The following LARP1B variants were observed in gnomAD, a reference collection of about 807,000 sequenced individuals.
The protein encoded by LARP1B is la-related protein 1B.
Under a neutral mutation model 114.2 loss-of-function variants are expected in LARP1B, and 76 were observed. The observed-to-expected ratio is 0.67, with a 90% CI of 0.55 to 0.81. The LOEUF is 0.81. Among genes scored for constraint, LARP1B ranks in the 30% least tolerant of loss-of-function variants. The pLI, the probability that LARP1B is intolerant of heterozygous loss-of-function variation, is 0.00. For missense variants in LARP1B, 1,014 were observed against 1,075.8 expected (o/e 0.94, Z 0.80); for synonymous variants, 345 against 348.0 (o/e 0.99, Z 0.10).
At chr4:128,162,362 C>T in intron 12 of LARP1B, 45 bp downstream of exon 12, 1 of 1,546,840 alleles carries the variant, frequency 6.5e-7, no homozygotes, top group East Asian at 2.3e-5. Flanking sequence ...AGTATTAAAG[C>T]AGTTCTGAAT....
intron 12 of LARP1B, among the ~76,000 whole-genome samples, chr4:128,170,872 C>CTTT (rs70966085): frequency 1.1e-5 from 1 of 95,016 alleles, no homozygotes; most frequent in Non-Finnish European, 2.2e-5. Flanking sequence ...TTTTTCTTTT[C>CTTT]TTTTTTTTTT....
chr4:128,206,660 T>C (rs1176182030), intron 18 of LARP1B, 123 bp downstream of exon 18: 2 of 1,398,486 alleles, frequency 1.4e-6, no homozygotes, highest in African/African-American at 2.9e-5. Context: ...CTTCATGCTA[T>C]TGTTGTGTTT....
intron 15 of LARP1B, among the ~76,000 whole-genome samples, chr4:128,189,738 C>T (rs893609143): frequency 1.3e-5 from 2 of 152,054 alleles, no homozygotes; most frequent in Non-Finnish European, 2.9e-5. Context: ...AAAGCCATAG[C>T]TGTAAGTTAT....
intron 11 of LARP1B, among the ~76,000 whole-genome samples, chr4:128,145,538 C>T (rs1391115246): frequency 6.6e-6 from 1 of 152,154 alleles, no homozygotes; most frequent in African/African-American, 2.4e-5. Context: ...AGCAGCCTGA[C>T]CCTCACATGG....
At chr4:128,114,509 G>T (rs1785150562) in intron 9 of LARP1B, 61 bp from the exon 10 acceptor site, 11 of 1,248,850 alleles carry the variant, frequency 8.8e-6, no homozygotes, top group Non-Finnish European at 1.0e-5. Flanking sequence ...AAAATGAAGT[G>T]TATTTTGTAA....
chr4:128,180,542 T>C (rs1747982625), intron 15 of LARP1B, among the ~76,000 whole-genome samples: 1 of 152,226 alleles, frequency 6.6e-6, no homozygotes, highest in African/African-American at 2.4e-5. Context: ...GGTATACTAA[T>C]AGTTATTTTG....
intron 9 of LARP1B, among the ~76,000 whole-genome samples, chr4:128,111,999 TAAAA>T (rs1310299223): frequency 2.6e-5 from 4 of 151,612 alleles, no homozygotes; most frequent in African/African-American, 7.3e-5. Flanking sequence ...CTCTGTCTCT[TAAAA>T]AAAGTTTCAT....
Position 128,178,652 on chromosome 4 carries a change from A to G in LARP1B, c.1896+10A>G. 6.3e-7 allele frequency: 1 copy of G among 1,590,664 alleles called. No individual in the cohort carries two copies. The highest frequency in any genetic ancestry group is 8.6e-7 in the Non-Finnish European group (1 of 1,159,360). ...AGCCATTGATGTAAAGGTATACAAAACAACCAGGAATATAAGGCTTGCATT... is the reference window on the plus strand; with the variant it reads ...AGCCATTGATGTAAAGGTATACAAAGCAACCAGGAATATAAGGCTTGCATT... On this transcript the variant is annotated intron_variant, in intron 14 of 19. Transcript: ENST00000326639.
chr4:128,063,128 C>T (rs1036268909), intron 1 of LARP1B, among the ~76,000 whole-genome samples: 1 of 152,048 alleles, frequency 6.6e-6, no homozygotes, highest in Non-Finnish European at 1.5e-5. Flanking sequence ...GTAACTGCAA[C>T]TTAAGAAAGT....
rs1389895861 is a variant in LARP1B, at chr4:128,107,131, G to T, written c.814-8G>T. 1.2e-6 allele frequency: 2 copies of T among 1,609,424 alleles called. No individual in the cohort carries two copies. Among genetic ancestry groups the T allele is most frequent in the Admixed American group, 1.7e-5 (1 of 59,832 alleles). Reference sequence around the variant, plus strand: ...TCATAATTTTAATAGCTCAATTTCTGTTAATAGGCACTGAAGGATAGCACA... The same window carrying T: ...TCATAATTTTAATAGCTCAATTTCTTTTAATAGGCACTGAAGGATAGCACA... On this transcript the variant is annotated splice_polypyrimidine_tract_variant and splice_region_variant and intron_variant, in intron 8 of 19. Coordinates refer to ENST00000326639, the MANE Select transcript of LARP1B (RefSeq NM_018078.4).
At chr4:128,139,265 T>A (rs1726844746) in intron 11 of LARP1B, among the ~76,000 whole-genome samples, 2 of 152,228 alleles carry the variant, frequency 1.3e-5, no homozygotes, top group African/African-American at 4.8e-5. Flanking sequence ...TATGTACAAC[T>A]AATATACATA....
At chr4:128,145,696 A>G (rs1272422680) in intron 11 of LARP1B, among the ~76,000 whole-genome samples, 1 of 152,208 alleles carries the variant, frequency 6.6e-6, no homozygotes, top group Non-Finnish European at 1.5e-5. Flanking sequence ...TTACTGTGCC[A>G]TGGTTAGGAA....
At chr4:128,174,335 CTAATA>C (rs1319529384) in intron 12 of LARP1B, among the ~76,000 whole-genome samples, 1 of 151,656 alleles carries the variant, frequency 6.6e-6, no homozygotes, top group Non-Finnish European at 1.5e-5. Context: ...TTCTTGTTTC[CTAATA>C]TATTTCCAAT....
chr4:128,122,533 C>T (rs563851534), intron 11 of LARP1B: 13 of 1,522,288 alleles, frequency 8.5e-6, no homozygotes, highest in Admixed American at 6.1e-5. Context: ...AAACAAGTTA[C>T]TGTGGACAGG....
At chr4:128,110,450 G>T (rs1169818366) in intron 9 of LARP1B, among the ~76,000 whole-genome samples, 1 of 150,094 alleles carries the variant, frequency 6.7e-6, no homozygotes, top group Admixed American at 6.7e-5. Flanking sequence ...GAGGCGGGCG[G>T]ATCACGAGGT....
rs149946138 is a variant in LARP1B, at chr4:128,102,429, A to T, written c.813+4099A>T. Among the ~76,000 whole-genome samples the T allele has an allele frequency of 1.3e-4, 20 of 152,338 alleles. No individual in the cohort carries two copies. In the East Asian group the frequency reaches 3.7e-3, roughly 28 times the overall value. On this transcript the variant is annotated intron_variant, in intron 8 of 19. Transcript: ENST00000326639. ...TTGCTATTATTGTTAGTCTTAAACG[A>T]TGTCGTTCTGTTGATAACTCCTTTA...
At chr4:128,165,301 G>A (rs2150477010) in intron 12 of LARP1B, among the ~76,000 whole-genome samples, 1 of 151,022 alleles carries the variant, frequency 6.6e-6, no homozygotes, top group South Asian at 2.1e-4. Flanking sequence ...TTATTTGTGT[G>A]CTATAATGTC....
chr4:128,117,455 G>A (rs968969645), intron 10 of LARP1B, among the ~76,000 whole-genome samples: 1 of 151,608 alleles, frequency 6.6e-6, no homozygotes, highest in Non-Finnish European at 1.5e-5. Flanking sequence ...GCGTGATCTC[G>A]GCTCTGTACA....
intron 10 of LARP1B, among the ~76,000 whole-genome samples, chr4:128,118,082 A>ATTTTTTTTTT (rs34699544): frequency 1.3e-5 from 1 of 76,736 alleles, no homozygotes; most frequent in Non-Finnish European, 2.3e-5. Flanking sequence ...GGCCCGGCTA[A>ATTTTTTTTTT]TTTTTTTTTT....
Sources: allele counts gnomAD v4.1 joint callset (sites outside exome capture counted in the v4.1 genomes callset), GRCh38; gene constraint gnomAD v4.1.1; transcripts MANE v1.5; gene names NCBI Gene and HGNC (gene_info 2026-07-23, HGNC 2026-07-21).